Variants in INIP observed in about 807,000 individuals in gnomAD.
The protein encoded by INIP is SOSS complex subunit C.
A neutral mutation model predicts 14.0 loss-of-function variants in INIP; 9 were observed. That is an observed-to-expected ratio of 0.64 (90% CI 0.39 to 1.12). The LOEUF is 1.12. INIP is among the 50% of genes most tolerant of loss of function. The pLI, the probability that INIP is intolerant of heterozygous loss-of-function variation, is 0.01. For missense variants in INIP, 78 were observed against 122.7 expected, an observed-to-expected ratio of 0.64 and a Z score of 1.72; for synonymous variants, 37 against 41.5, an observed-to-expected ratio of 0.89 and a Z score of 0.41.
chr9:112,708,014 A>T (rs1469492447), intron 2 of INIP, among the ~76,000 whole-genome samples: 4 of 152,252 alleles, frequency 2.6e-5, no homozygotes, highest in Admixed American at 1.3e-4. Context: ...GGATGCAATG[A>T]TAAGGCAAAA....
chr9:112,695,532 AGT>A (rs1838051280), intron 2 of INIP, among the ~76,000 whole-genome samples: 1 of 152,028 alleles, frequency 6.6e-6, no homozygotes, highest in Non-Finnish European at 1.5e-5. Flanking sequence ...CTCCTTTTGC[AGT>A]GTTTTCAGCT....
intron 2 of INIP, among the ~76,000 whole-genome samples, chr9:112,703,898 A>C (rs2131303201): frequency 6.6e-6 from 1 of 152,366 alleles, no homozygotes; most frequent in Non-Finnish European, 1.5e-5. Flanking sequence ...TGAATTCATA[A>C]TGAGATGCAA....
At chr9:112,703,525 C>T (rs1194441008) in intron 2 of INIP, among the ~76,000 whole-genome samples, 1 of 152,140 alleles carries the variant, frequency 6.6e-6, no homozygotes, top group East Asian at 1.9e-4. Context: ...TTGAGACCAG[C>T]CTGGGCAACA....
Position 112,716,496 on chromosome 9 carries a change from T to A in INIP, c.-11A>T. On this transcript the variant is annotated 5_prime_UTR_variant, in exon 2 of 5. Transcript: ENST00000374242. ...AGAGTTTGCTGCCATTTTCCTATTT[T>A]GTTTCAAGTATGTCCAGTGGCAATT... The A allele has an allele frequency of 6.2e-7, 1 of 1,613,616 alleles. No individual in the cohort carries two copies. The highest frequency in any genetic ancestry group is 8.5e-7 in the Non-Finnish European group (1 of 1,179,574).
chr9:112,691,042 A>T (rs1463034229), intron 3 of INIP, among the ~76,000 whole-genome samples: 1 of 152,232 alleles, frequency 6.6e-6, no homozygotes, highest in Non-Finnish European at 1.5e-5. Flanking sequence ...CAATTTTGTT[A>T]TATTTCTGTT....
At chr9:112,711,562 T>C (rs1192863211) in intron 2 of INIP, among the ~76,000 whole-genome samples, 1 of 152,246 alleles carries the variant, frequency 6.6e-6, no homozygotes, top group Non-Finnish European at 1.5e-5. Flanking sequence ...TTTAGCAGCA[T>C]GTTATCTTTC....
intron 2 of INIP, among the ~76,000 whole-genome samples, chr9:112,699,440 G>A (rs373540915): frequency 6.6e-6 from 1 of 152,100 alleles, no homozygotes; most frequent in South Asian, 2.1e-4. Flanking sequence ...ACAAAAATAG[G>A]CCAAGGTAGT....
intron 2 of INIP, among the ~76,000 whole-genome samples, chr9:112,715,917 G>C (rs1838798811): frequency 6.6e-6 from 1 of 152,050 alleles, no homozygotes; most frequent in Non-Finnish European, 1.5e-5. Flanking sequence ...CACAGGGTCA[G>C]GATTATCAAG....
intron 2 of INIP, 119 bp downstream of exon 2, chr9:112,716,342 T>A: frequency 1.1e-6 from 1 of 888,232 alleles, no homozygotes; most frequent in South Asian, 1.3e-5. Flanking sequence ...GCTCCCGGCC[T>A]GCTATTCATT....
chr9:112,717,660 A>G (rs1838869378), intron 1 of INIP, among the ~76,000 whole-genome samples: 1 of 152,234 alleles, frequency 6.6e-6, no homozygotes, highest in South Asian at 2.1e-4. Context: ...AGGGATAGAA[A>G]ACAGACACCG....
chr9:112,716,957 G>A (rs1305123402), intron 1 of INIP, among the ~76,000 whole-genome samples: 2 of 147,458 alleles, frequency 1.4e-5, no homozygotes, highest in South Asian at 2.1e-4. Context: ...AGCGAGACTC[G>A]GTCTCAAAAA....
intron 2 of INIP, among the ~76,000 whole-genome samples, chr9:112,695,559 A>G (rs962994695): frequency 2.0e-5 from 3 of 152,072 alleles, no homozygotes; most frequent in Non-Finnish European, 4.4e-5. Flanking sequence ...CTGTTCTTCA[A>G]TCAGGCATTA....
intron 2 of INIP, among the ~76,000 whole-genome samples, chr9:112,697,324 C>G (rs933100883): frequency 6.6e-6 from 1 of 152,188 alleles, no homozygotes; most frequent in African/African-American, 2.4e-5. Flanking sequence ...GCCTGGGCAA[C>G]TTAAAACAAC....
rs771800380 is a variant in INIP, at chr9:112,694,121, G to A, written c.128+10C>T. ...AAACAAACAAAAAACCCACATTATA[G>A]TGTCAATACCTAGCTCCAGGATGAT... On this transcript the variant is annotated intron_variant, in intron 3 of 4. Coordinates refer to ENST00000374242, the MANE Select transcript of INIP (RefSeq NM_021218.3). The A allele has an allele frequency of 6.0e-6, 9 of 1,510,630 alleles. 1 individual carries two copies. Among genetic ancestry groups the A allele is most frequent in the Non-Finnish European group, 7.3e-6 (8 of 1,099,340 alleles). The allele number at this position is 1,510,630 out of a possible 1,614,324, so 93.6% of individuals were successfully genotyped here.
At chr9:112,714,887 C>T (rs1186906197) in intron 2 of INIP, among the ~76,000 whole-genome samples, 1 of 152,070 alleles carries the variant, frequency 6.6e-6, no homozygotes, top group East Asian at 1.9e-4. Context: ...GCCTACTACA[C>T]AACCTAGGCT....
intron 2 of INIP, among the ~76,000 whole-genome samples, chr9:112,697,458 C>T (rs1307403825): frequency 3.9e-5 from 6 of 152,190 alleles, no homozygotes; most frequent in Non-Finnish European, 7.4e-5. Context: ...GTGGCATGTG[C>T]CTGTAGGCTA....
chr9:112,692,017 AAAAAG>A (rs1170295923), intron 3 of INIP, among the ~76,000 whole-genome samples: 1 of 151,516 alleles, frequency 6.6e-6, no homozygotes, highest in African/African-American at 2.4e-5. Context: ...AAAAAAAAGA[AAAAAG>A]AAAAAAAAGA....
At position 112,694,221 on chromosome 9, in the gene INIP, T is replaced by G. The variant is rs1202908485; in HGVS notation, c.38A>C (p.Lys13Thr). 1.9e-6 allele frequency: 3 copies of G among 1,606,248 alleles called. No individual in the cohort carries two copies. Residue 13 changes from lysine to threonine, a missense_variant, in exon 3 of 5, where the codon AAA becomes ACA. By Grantham distance (78) the Lys-to-Thr change is moderately conservative. Coordinates refer to ENST00000374242, the MANE Select transcript of INIP (RefSeq NM_021218.3). ...TTCTGCCAAGATTGCAACTCTATTTTTGTTTTGAAAACCTAAAAAAAAGAG... is the reference window on the plus strand; with the variant it reads ...TTCTGCCAAGATTGCAACTCTATTTGTGTTTTGAAAACCTAAAAAAAAGAG... ...ANSSGQGFQN[K>T]NRVAILAELD...
At chr9:112,696,660 C>T (rs1838107118) in intron 2 of INIP, among the ~76,000 whole-genome samples, 1 of 152,338 alleles carries the variant, frequency 6.6e-6, no homozygotes, top group African/African-American at 2.4e-5. Flanking sequence ...AGGTTGTCAC[C>T]TATGCCTCTG....
Sources: gnomAD v4.1 joint callset for allele counts (sites outside exome capture counted in the v4.1 genomes callset) on GRCh38, gnomAD v4.1.1 for gene constraint, MANE v1.5 for transcripts, NCBI Gene and HGNC (gene_info 2026-07-23, HGNC 2026-07-21) for gene names.